NALF1: variants seen among roughly 807,000 people sequenced by gnomAD.
The protein encoded by NALF1 is family with sequence similarity 155 member A.
Under a neutral mutation model 48.4 loss-of-function variants are expected in NALF1, and 3 were observed. The ratio of observed to expected loss-of-function variants is 0.06; its 90% CI spans 0.03 to 0.16. The LOEUF (loss-of-function observed/expected upper bound fraction) is 0.16. Among genes scored for constraint, NALF1 ranks in the 10% least tolerant of loss-of-function variants. NALF1 has a pLI of 1.00. For missense variants in NALF1, 526 were observed against 571.5 expected, an observed-to-expected ratio of 0.92 and a Z score of 0.81; for synonymous variants, 262 against 245.7, an observed-to-expected ratio of 1.07 and a Z score of -0.62.
intron 1 of NALF1, among the ~76,000 whole-genome samples, chr13:107,419,590 T>C (rs9520437): frequency 0.037 from 5,667 of 152,218 alleles, 123 homozygotes; most frequent in South Asian, 0.07. Context: ...CATTGGGAGA[T>C]TGAACTCTGT....
At chr13:107,541,772 G>T (rs972355234) in intron 1 of NALF1, among the ~76,000 whole-genome samples, 2 of 152,102 alleles carry the variant, frequency 1.3e-5, no homozygotes, top group African/African-American at 2.4e-5. Context: ...AAGAGCAGCA[G>T]ACTCTGCTAT....
At chr13:107,714,973 T>G (rs944511886) in intron 1 of NALF1, among the ~76,000 whole-genome samples, 2 of 150,632 alleles carry the variant, frequency 1.3e-5, no homozygotes, top group South Asian at 2.1e-4. Context: ...TTTAGAAGGG[T>G]TTTTTTTTGC....
intron 1 of NALF1, among the ~76,000 whole-genome samples, chr13:107,280,693 T>A (rs1333832759): frequency 6.6e-6 from 1 of 152,206 alleles, no homozygotes; most frequent in African/African-American, 2.4e-5. Context: ...AGTCTTTCTA[T>A]TCCGAATTGC....
rs572961311 is a variant in NALF1, at chr13:107,581,068, G to A, written c.915+284614C>T. Among the ~76,000 whole-genome samples, 42 of 152,272 alleles carry A rather than the reference G, an allele frequency of 2.8e-4. No individual in the cohort carries two copies. The South Asian group carries it at 6.6e-3, about 24-fold the overall frequency. On this transcript the variant is annotated intron_variant, in intron 1 of 2. Coordinates refer to ENST00000375915, the MANE Select transcript of NALF1 (RefSeq NM_001080396.3). ...GCTCTGGCTGTGAAAACTAAGACTAGGAAATGATTTTTTCAAGAAAAAATT... is the reference window on the plus strand; with the variant it reads ...GCTCTGGCTGTGAAAACTAAGACTAAGAAATGATTTTTTCAAGAAAAAATT...
At chr13:107,815,139 T>TA (rs577958676) in intron 1 of NALF1, among the ~76,000 whole-genome samples, 3 of 151,728 alleles carry the variant, frequency 2.0e-5, no homozygotes, top group South Asian at 2.1e-4. Context: ...AGTAATAAAA[T>TA]AAAAAAAAGA....
chr13:107,783,673 G>A (rs556131094), intron 1 of NALF1, among the ~76,000 whole-genome samples: 1 of 151,662 alleles, frequency 6.6e-6, no homozygotes. Flanking sequence ...CAGCATGCTC[G>A]TTAAGAGTCA....
chr13:107,516,669 A>C (rs1876062758), intron 1 of NALF1, among the ~76,000 whole-genome samples: 1 of 152,192 alleles, frequency 6.6e-6, no homozygotes, highest in Admixed American at 6.5e-5. Flanking sequence ...CTATAAACAG[A>C]CAAATTGAAT....
chr13:107,645,106 G>T (rs1311212900), intron 1 of NALF1, among the ~76,000 whole-genome samples: 1 of 152,042 alleles, frequency 6.6e-6, no homozygotes, highest in African/African-American at 2.4e-5. Flanking sequence ...ATAAATACAT[G>T]TGAGCATTTT....
At chr13:107,799,865 A>G (rs894532968) in intron 1 of NALF1, among the ~76,000 whole-genome samples, 1 of 152,202 alleles carries the variant, frequency 6.6e-6, no homozygotes, top group Non-Finnish European at 1.5e-5. Context: ...AATCAGGTGA[A>G]AAATCTCTAG....
chr13:107,819,790 C>A (rs1041032369), intron 1 of NALF1, among the ~76,000 whole-genome samples: 1 of 151,700 alleles, frequency 6.6e-6, no homozygotes, highest in Non-Finnish European at 1.5e-5. Flanking sequence ...AGCACACACA[C>A]TTCTTTCTCT....
chr13:107,697,909 G>A (rs1881734155), intron 1 of NALF1, among the ~76,000 whole-genome samples: 1 of 152,040 alleles, frequency 6.6e-6, no homozygotes, highest in South Asian at 2.1e-4. Context: ...AGTACATATG[G>A]GGGAAAGTTC....
intron 1 of NALF1, among the ~76,000 whole-genome samples, chr13:107,606,715 TA>T (rs896534191): frequency 6.6e-6 from 1 of 151,556 alleles, no homozygotes; most frequent in African/African-American, 2.4e-5. Flanking sequence ...GTTGACAAAT[TA>T]AAAAAAAATT....
chr13:107,297,342 T>C (rs1334652503), intron 1 of NALF1, among the ~76,000 whole-genome samples: 1 of 152,218 alleles, frequency 6.6e-6, no homozygotes, highest in Non-Finnish European at 1.5e-5. Context: ...AACAGTATTT[T>C]TCTCAATTTA....
At chr13:107,237,089 GTTT>G (rs61150648) in intron 1 of NALF1, among the ~76,000 whole-genome samples, 75,706 of 145,076 alleles carry the variant, frequency 0.52, 20,100 homozygotes, top group South Asian at 0.59. Flanking sequence ...ACTGTATGTG[GTTT>G]TTTTTTTTTT....
chr13:107,822,264 A>G (rs1879380744), intron 1 of NALF1, among the ~76,000 whole-genome samples: 1 of 152,040 alleles, frequency 6.6e-6, no homozygotes, highest in Non-Finnish European at 1.5e-5. Flanking sequence ...TGTGTGGTGG[A>G]GCTACACCAT....
chr13:107,352,158 C>A (rs892958194), intron 1 of NALF1, among the ~76,000 whole-genome samples: 1 of 152,140 alleles, frequency 6.6e-6, no homozygotes, highest in Non-Finnish European at 1.5e-5. Flanking sequence ...TGTGTGCAGT[C>A]TCTGTAAACC....
chr13:107,214,758 A>G (rs1316726191), intron 1 of NALF1, among the ~76,000 whole-genome samples: 1 of 152,212 alleles, frequency 6.6e-6, no homozygotes, highest in Non-Finnish European at 1.5e-5. Context: ...GGAGCAGACT[A>G]CACTAGAAAA....
chr13:107,240,238 AT>A (rs1272439443), intron 1 of NALF1, among the ~76,000 whole-genome samples: 2 of 152,212 alleles, frequency 1.3e-5, no homozygotes, highest in Non-Finnish European at 2.9e-5. Flanking sequence ...GAAGATGGCT[AT>A]TTATGGACCA....
intron 1 of NALF1, among the ~76,000 whole-genome samples, chr13:107,468,672 A>G (rs944725301): frequency 6.6e-6 from 1 of 152,254 alleles, no homozygotes; most frequent in Non-Finnish European, 1.5e-5. Context: ...TGTAACAAAC[A>G]CTGTCAAATG....
Sources: gnomAD v4.1 joint callset for allele counts (sites outside exome capture counted in the v4.1 genomes callset) on GRCh38, gnomAD v4.1.1 for gene constraint, MANE v1.5 for transcripts, NCBI Gene and HGNC (gene_info 2026-07-23, HGNC 2026-07-21) for gene names.